IMMP1L: variants seen among roughly 807,000 people sequenced by gnomAD.
IMMP1L encodes the protein inner mitochondrial membrane peptidase subunit 1, also known as mitochondrial inner membrane protease subunit 1.
A neutral mutation model predicts 21.8 loss-of-function variants in IMMP1L; 24 were observed. That is an observed-to-expected ratio of 1.10 (90% CI 0.80 to 1.55). The LOEUF (loss-of-function observed/expected upper bound fraction) is 1.55, where lower values mean the gene tolerates loss of function less well. IMMP1L is among the 40% of genes most tolerant of loss of function. The pLI is 0.00. For missense variants in IMMP1L, 195 were observed against 200.7 expected, an observed-to-expected ratio of 0.97 and a Z score of 0.17; for synonymous variants, 46 against 62.8, an observed-to-expected ratio of 0.73 and a Z score of 1.26.
Position 31,463,200 on chromosome 11 carries a change from G to C in IMMP1L, c.77C>G (p.Ala26Gly). Residue 26 changes from alanine to glycine, a missense_variant, in exon 2 of 6, where the codon GCT (alanine) becomes GGT (glycine). Physicochemically the swap from Ala to Gly is moderately conservative, Grantham distance 60. Coordinates refer to ENST00000532287, the MANE Select transcript of IMMP1L (RefSeq NM_001304274.2). ...GACAACACCACCAACGTATTCAAAA[G>C]CACAATGAGCTATACAGCCATATTG... ...TIQYGCIAHC[A>G]FEYVGGVVMC... 5.6e-6 allele frequency: 9 copies of C among 1,609,266 alleles called. No individual in the cohort carries two copies. Among genetic ancestry groups the C allele is most frequent in the Non-Finnish European group, 6.8e-6 (8 of 1,177,878 alleles).
At position 31,489,055 on chromosome 11, in the gene IMMP1L, C is replaced by T. The variant is rs922615687; in HGVS notation, c.-30+20464G>A. On this transcript the variant is annotated intron_variant, in intron 1 of 5. Transcript: ENST00000532287. ...GGGACTACAGGTACCCGCCACCATG[C>T]CCAGCTAATTTTTTTGTATTTTTAG... Among the ~76,000 whole-genome samples the T allele has an allele frequency of 1.8e-4, 27 of 152,004 alleles. 1 individual carries two copies. The highest frequency in any genetic ancestry group is 6.8e-3 in the Middle Eastern group (2 of 294).
At chr11:31,458,401 C>T (rs1954018432) in intron 3 of IMMP1L, among the ~76,000 whole-genome samples, 3 of 151,996 alleles carry the variant, frequency 2.0e-5, no homozygotes, top group Admixed American at 2.0e-4. Flanking sequence ...ATGTATGGTA[C>T]ATCTTATAAA....
At chr11:31,468,839 T>C (rs1192363495) in intron 1 of IMMP1L, among the ~76,000 whole-genome samples, 2 of 152,184 alleles carry the variant, frequency 1.3e-5, no homozygotes, top group African/African-American at 2.4e-5. Flanking sequence ...CTGATGAAAA[T>C]GCCATTAAAG....
intron 4 of IMMP1L, among the ~76,000 whole-genome samples, chr11:31,455,861 G>T (rs1953920957): frequency 6.6e-6 from 1 of 152,094 alleles, no homozygotes. Flanking sequence ...ACCTTATGTT[G>T]ATATGTAGTG....
rs1592010015 is a variant in IMMP1L at position 31,479,205 on chromosome 11, T to C, written c.-29-15900A>G. 2.6e-5 allele frequency among the ~76,000 whole-genome samples: 4 copies of C among 152,094 alleles called. No individual in the cohort carries two copies. In the South Asian group the frequency reaches 8.3e-4, roughly 32 times the overall value. Reference sequence around the variant, plus strand: ...TAAACTCCTAAGTATACTTGCAATATGGCTTACTTGACAAGTTTGATTTGC... The same window carrying C: ...TAAACTCCTAAGTATACTTGCAATACGGCTTACTTGACAAGTTTGATTTGC... On this transcript the variant is annotated intron_variant, in intron 1 of 5. Transcript: ENST00000532287.
intron 4 of IMMP1L, 31 bp downstream of exon 4, chr11:31,456,229 C>A (rs756885757): frequency 8.8e-6 from 13 of 1,475,820 alleles, no homozygotes; most frequent in South Asian, 1.3e-5. Flanking sequence ...AATTATGACA[C>A]CAAAAATAAC....
At chr11:31,486,602 T>C (rs964906273) in intron 1 of IMMP1L, among the ~76,000 whole-genome samples, 1 of 151,976 alleles carries the variant, frequency 6.6e-6, no homozygotes, top group Non-Finnish European at 1.5e-5. Context: ...AATGTACACA[T>C]GATATGTAAC....
chr11:31,491,004 GC>G (rs1433530416), intron 1 of IMMP1L, among the ~76,000 whole-genome samples: 1 of 152,140 alleles, frequency 6.6e-6, no homozygotes, highest in African/African-American at 2.4e-5. Context: ...AAAGAAGGAT[GC>G]CCCCCTAGAG....
intron 1 of IMMP1L, among the ~76,000 whole-genome samples, chr11:31,499,569 T>G (rs1955552688): frequency 6.6e-6 from 1 of 152,278 alleles, no homozygotes; most frequent in Non-Finnish European, 1.5e-5. Context: ...TAGCAAATTA[T>G]AGTTCACAGG....
At chr11:31,436,160 C>A (rs551886225) in intron 4 of IMMP1L, among the ~76,000 whole-genome samples, 1 of 152,040 alleles carries the variant, frequency 6.6e-6, no homozygotes, top group Non-Finnish European at 1.5e-5. Context: ...TTATTGCAAA[C>A]ATTTTTCCCA....
At chr11:31,503,075 A>G (rs1447351887) in intron 1 of IMMP1L, among the ~76,000 whole-genome samples, 1 of 152,148 alleles carries the variant, frequency 6.6e-6, no homozygotes, top group African/African-American at 2.4e-5. Flanking sequence ...TAATGAATAT[A>G]AGTACTCATT....
At chr11:31,500,102 A>G (rs769384351) in intron 1 of IMMP1L, among the ~76,000 whole-genome samples, 8 of 152,140 alleles carry the variant, frequency 5.3e-5, no homozygotes, top group Non-Finnish European at 1.5e-5. Flanking sequence ...TTGATTATGC[A>G]CATTAAAGCA....
At chr11:31,477,334 A>G (rs1167176235) in intron 1 of IMMP1L, 1 of 154,702 alleles carries the variant, frequency 6.5e-6, no homozygotes, top group East Asian at 1.9e-4. Context: ...TTGCCATTCA[A>G]TTAAAAAAAC....
At chr11:31,494,507 T>C (rs955613816) in intron 1 of IMMP1L, among the ~76,000 whole-genome samples, 4 of 152,218 alleles carry the variant, frequency 2.6e-5, no homozygotes, top group African/African-American at 9.6e-5. Flanking sequence ...TGACATGTCC[T>C]AGAGGCATTT....
intron 4 of IMMP1L, among the ~76,000 whole-genome samples, chr11:31,442,100 A>G (rs1953351118): frequency 6.6e-6 from 1 of 152,218 alleles, no homozygotes; most frequent in African/African-American, 2.4e-5. Context: ...CTTTACAGCT[A>G]AATTTTAAGG....
At chr11:31,466,255 G>A (rs1260304635) in intron 1 of IMMP1L, among the ~76,000 whole-genome samples, 1 of 151,848 alleles carries the variant, frequency 6.6e-6, no homozygotes. Context: ...AAAAGACAAA[G>A]AAAGTGCTGG....
intron 1 of IMMP1L, among the ~76,000 whole-genome samples, chr11:31,493,603 A>C (rs1463452817): frequency 6.6e-6 from 1 of 152,154 alleles, no homozygotes; most frequent in African/African-American, 2.4e-5. Flanking sequence ...GTTCCCTAAA[A>C]TCTTAGCTCA....
chr11:31,485,636 C>A (rs1308151819), intron 1 of IMMP1L, among the ~76,000 whole-genome samples: 1 of 151,840 alleles, frequency 6.6e-6, no homozygotes, highest in Non-Finnish European at 1.5e-5. Context: ...TAATGTTAGG[C>A]AAATGCGTTG....
chr11:31,469,028 T>C (rs920692876), intron 1 of IMMP1L, among the ~76,000 whole-genome samples: 2 of 152,168 alleles, frequency 1.3e-5, no homozygotes, highest in Non-Finnish European at 2.9e-5. Context: ...CACTGTGGCT[T>C]TGATTTGCAT....
Sources: allele counts gnomAD v4.1 joint callset (sites outside exome capture counted in the v4.1 genomes callset), GRCh38; gene constraint gnomAD v4.1.1; transcripts MANE v1.5; gene names NCBI Gene and HGNC (gene_info 2026-07-23, HGNC 2026-07-21).